Variants in AMD1 observed in about 807,000 individuals in gnomAD.
AMD1 encodes the protein adenosylmethionine decarboxylase 1, also known as S-adenosylmethionine decarboxylase proenzyme.
Under a neutral mutation model 40.2 loss-of-function variants are expected in AMD1, and 11 were observed. The observed-to-expected ratio is 0.27, with a 90% CI of 0.17 to 0.45. The LOEUF is 0.45. AMD1 is among the 20% of genes least tolerant of loss of function. The pLI is 1.00. For missense variants in AMD1, 257 were observed against 410.2 expected, an observed-to-expected ratio of 0.63 and a Z score of 3.23; for synonymous variants, 121 against 130.8, an observed-to-expected ratio of 0.93 and a Z score of 0.51.
intron 1 of AMD1, chr6:110,875,553 C>G (rs1009061839): frequency 4.8e-6 from 1 of 209,088 alleles, no homozygotes; most frequent in East Asian, 1.1e-4. Flanking sequence ...CCGACATTTC[C>G]CTCCGTAGTA....
chr6:110,850,001 G>C, the AMD1 span, among the ~76,000 whole-genome samples: 4 of 150,246 alleles, frequency 2.7e-5, no homozygotes, highest in African/African-American at 9.8e-5. Flanking sequence ...CTTTAGCCTG[G>C]TGACAGAGCA....
chr6:110,891,717 C>A, intron 4 of AMD1: 2 of 176,302 alleles, frequency 1.1e-5, no homozygotes, highest in South Asian at 1.2e-4. Context: ...TGGGAATTTA[C>A]CTACTGTTTC....
the AMD1 span, among the ~76,000 whole-genome samples, chr6:110,861,703 G>A: frequency 4.6e-4 from 70 of 151,386 alleles, 1 homozygote; most frequent in South Asian, 1.0e-3. Context: ...CTAACCAGGC[G>A]TGGTGGTACA....
the AMD1 span, among the ~76,000 whole-genome samples, chr6:110,851,938 C>T: frequency 6.6e-6 from 1 of 152,106 alleles, no homozygotes; most frequent in South Asian, 2.1e-4. Context: ...ACAAGTGCAG[C>T]TCACCTTAAC....
rs968569554 is a variant in AMD1 at position 110,892,623 on chromosome 6, ATTAG to A, written c.616-108_616-105del. 8 of 1,405,404 alleles carry A rather than the reference ATTAG, an allele frequency of 5.7e-6. No homozygotes were observed. The African/African-American group carries it at 1.0e-4, about 18-fold the overall frequency. 87.1% of individuals were successfully genotyped at this position (1,405,404 alleles called of 1,614,324 possible). ...CACCCAGGTGTTAAGCCTAGTACCCATTAGTTATTTTTCCTGGTCCTCTCCCTTC... is the reference window on the plus strand; with the variant it reads ...CACCCAGGTGTTAAGCCTAGTACCCATTATTTTTCCTGGTCCTCTCCCTTC... On this transcript the variant is annotated intron_variant, in intron 6 of 8. Transcript: ENST00000368885.
chr6:110,867,435 G>C, the AMD1 span, among the ~76,000 whole-genome samples: 2 of 152,090 alleles, frequency 1.3e-5, no homozygotes, highest in African/African-American at 4.8e-5. Context: ...GAGGCTGAGA[G>C]GGGGGATCAC....
the AMD1 span, among the ~76,000 whole-genome samples, chr6:110,830,449 A>G: frequency 6.6e-6 from 1 of 152,214 alleles, no homozygotes; most frequent in Admixed American, 6.5e-5. Flanking sequence ...TACCAAAAGC[A>G]TTCCTCCATA....
the AMD1 span, among the ~76,000 whole-genome samples, chr6:110,819,888 T>C: frequency 6.6e-6 from 1 of 152,184 alleles, no homozygotes; most frequent in Non-Finnish European, 1.5e-5. Flanking sequence ...ACCCCTGGTC[T>C]CCTTGTTGCC....
chr6:110,875,442 C>T, intron 1 of AMD1: 1 of 488,786 alleles, frequency 2.0e-6, no homozygotes, highest in Non-Finnish European at 3.6e-6. Context: ...CTGGCATTGC[C>T]CTGGGGGAGG....
chr6:110,838,813 C>T, the AMD1 span, among the ~76,000 whole-genome samples: 4 of 152,106 alleles, frequency 2.6e-5, no homozygotes, highest in South Asian at 2.1e-4. Flanking sequence ...GAGCTGAGGT[C>T]GCATCATTGC....
chr6:110,858,867 T>C, the AMD1 span: 1 of 795,796 alleles, frequency 1.3e-6, no homozygotes, highest in South Asian at 1.4e-5. Context: ...AGCCTCCAGA[T>C]GGGTACAAAC....
Position 110,892,731 on chromosome 6 carries a change from C to G in AMD1, c.616-4C>G, listed in dbSNP as rs762332367. 12 of 1,611,666 alleles carry G rather than the reference C, an allele frequency of 7.4e-6. No homozygotes were observed. In the East Asian group the frequency reaches 2.0e-4, roughly 27 times the overall value. On this transcript the variant is annotated splice_region_variant and splice_polypyrimidine_tract_variant and intron_variant, in intron 6 of 8. Coordinates refer to ENST00000368885, the MANE Select transcript of AMD1 (RefSeq NM_001634.6). ...TGTTAAACTCGGTCTTTTTCCCCCC[C>G]CAGGAGAGTGGAATTCGTGACCTGA...
the AMD1 span, among the ~76,000 whole-genome samples, chr6:110,840,707 C>T: frequency 6.6e-6 from 1 of 150,464 alleles, no homozygotes; most frequent in East Asian, 2.0e-4. Flanking sequence ...TAGAGCAGGG[C>T]CCTCTCTGGT....
the AMD1 span, chr6:110,858,916 C>G: frequency 1.1e-6 from 1 of 909,760 alleles, no homozygotes; most frequent in Non-Finnish European, 1.9e-6. Flanking sequence ...CTCCGGGACC[C>G]GGTTGACACC....
the AMD1 span, among the ~76,000 whole-genome samples, chr6:110,834,924 G>A: frequency 6.7e-6 from 1 of 148,240 alleles, no homozygotes; most frequent in Non-Finnish European, 1.5e-5. Context: ...ACTCCAGCCT[G>A]GTGACAGAGA....
chr6:110,827,782 AC>A, the AMD1 span, among the ~76,000 whole-genome samples: 609 of 148,346 alleles, frequency 4.1e-3, 3 homozygotes, highest in African/African-American at 0.015. Context: ...AAAAAAAAAA[AC>A]ACTACGAGAA....
chr6:110,837,380 T>C, the AMD1 span, among the ~76,000 whole-genome samples: 2 of 151,434 alleles, frequency 1.3e-5, no homozygotes, highest in African/African-American at 2.4e-5. Context: ...GTTACAATAA[T>C]TCTGGCAGAA....
chr6:110,861,077 G>A, the AMD1 span, among the ~76,000 whole-genome samples: 2 of 151,924 alleles, frequency 1.3e-5, no homozygotes, highest in African/African-American at 4.8e-5. Context: ...TAGCCAGATG[G>A]GCTGGGCACG....
the AMD1 span, among the ~76,000 whole-genome samples, chr6:110,817,598 GA>G: frequency 6.6e-6 from 1 of 151,946 alleles, no homozygotes; most frequent in African/African-American, 2.4e-5. Flanking sequence ...AACAGAGCAA[GA>G]CCCCGACTCA....
Sources: gnomAD v4.1 joint callset for allele counts (sites outside exome capture counted in the v4.1 genomes callset) on GRCh38, gnomAD v4.1.1 for gene constraint, MANE v1.5 for transcripts, NCBI Gene and HGNC (gene_info 2026-07-23, HGNC 2026-07-21) for gene names.